The following RNF213 variants were observed in gnomAD, a reference collection of about 807,000 sequenced individuals.
RNF213 encodes the protein ring finger protein 213, also known as E3 ubiquitin-protein ligase RNF213.
Under a neutral mutation model 514.4 loss-of-function variants are expected in RNF213, and 341 were observed. That is an observed-to-expected ratio of 0.66 (90% confidence interval 0.61 to 0.73). RNF213 has a LOEUF of 0.73. Ranked by LOEUF, RNF213 falls within the 30% of genes least tolerant of loss-of-function variation. The pLI is 0.00. For synonymous variants in RNF213, 2,655 were observed against 2,658.2 expected (o/e 1.00, Z 0.04); for missense variants, 5,767 against 6,615.6 (o/e 0.87, Z 4.45).
chr17:80,369,513 AAAAG>A lies in RNF213; in HGVS notation c.12168_12171del (p.Glu4056AspfsTer14). The A allele has an allele frequency of 6.2e-7, 1 of 1,613,550 alleles. No individual in the cohort carries two copies. The highest frequency in any genetic ancestry group is 1.1e-5 in the South Asian group (1 of 91,056). On this transcript the variant is annotated frameshift_variant, in exon 45 of 68. Transcript: ENST00000582970. LOFTEE classifies it high-confidence loss of function. ...TCTCGTGTTCTAAGGGAAGCCATTG[AAAAG>A]CATGCCCGCTTCCGGCAGATGTGCA...
In RNF213 at chr17:80,364,494, G is replaced by A. The variant is rs781559624; in HGVS notation, c.11812G>A (p.Glu3938Lys). The change falls in exon 42 of 68, where the codon GAG (glutamate) becomes AAG (lysine). Residue 3938 changes from glutamate to lysine, a missense_variant. Physicochemically the swap from Glu to Lys is moderately conservative, Grantham distance 56 (BLOSUM62 1). This residue lies in a region of RNF213 where 355 missense variants were observed against 358.0 expected (regional missense o/e 0.99). Coordinates refer to ENST00000582970, the MANE Select transcript of RNF213 (RefSeq NM_001256071.3). ...LFVEHVLLGT[E>K]SRVPELQGLV... ...CGTGGAGCACGTGCTCCTAGGAACC[G>A]AGAGCCGCGTCCCCGAGTTACAGGG... is the stretch of plus-strand genomic sequence containing the variant. 24 of 1,614,022 alleles carry A rather than the reference G, an allele frequency of 1.5e-5. No individual in the cohort carries two copies. The East Asian group carries it at 3.3e-4, about 22-fold the overall frequency.
At chr17:80,289,962 T>A in intron 6 of RNF213, 125 bp downstream of exon 6, 2 of 1,104,412 alleles carry the variant, frequency 1.8e-6, no homozygotes. Flanking sequence ...CAAGTTTAAC[T>A]TTGGGGGAAA....
chr17:80,310,060 G>A (rs376321329), intron 14 of RNF213, among the ~76,000 whole-genome samples: 24 of 151,756 alleles, frequency 1.6e-4, no homozygotes, highest in African/African-American at 5.3e-4. Context: ...GCCTCCCATG[G>A]ATCAGTTTTA....
intron 11 of RNF213, 34 bp from the exon 12 acceptor site, chr17:80,306,218 G>T (rs374717242): frequency 6.3e-7 from 1 of 1,596,334 alleles, no homozygotes; most frequent in South Asian, 1.1e-5. Context: ...ATCTCACTGC[G>T]TCTCTTTTCT....
intron 1 of RNF213, among the ~76,000 whole-genome samples, chr17:80,261,402 G>T (rs751109081): frequency 1.3e-5 from 2 of 152,332 alleles, no homozygotes; most frequent in East Asian, 3.9e-4. Flanking sequence ...GCGTCCTTCC[G>T]ACTTGGCGAA....
chr17:80,268,922 C>T (rs1043827409), intron 2 of RNF213, among the ~76,000 whole-genome samples: 3 of 152,114 alleles, frequency 2.0e-5, no homozygotes, highest in Non-Finnish European at 4.4e-5. Flanking sequence ...AGTCCAAAAG[C>T]CTCAAAAGCA....
intron 35 of RNF213, 42 bp downstream of exon 35, chr17:80,354,208 G>A (rs2078644338): frequency 2.5e-6 from 4 of 1,606,802 alleles, no homozygotes; most frequent in Non-Finnish European, 3.4e-6. Context: ...CCCCACGTGG[G>A]CTCTTCCTGA....
In RNF213 at chr17:80,354,487, GAAGC is replaced by G; in HGVS notation, c.10777_10780del (p.Gln3593LysfsTer46). 1 of 1,614,204 alleles carries G rather than the reference GAAGC, an allele frequency of 6.2e-7. No homozygotes were observed. On this transcript the variant is annotated frameshift_variant, in exon 36 of 68. Transcript: ENST00000582970. LOFTEE classifies it high-confidence loss of function. Reference sequence around the variant, plus strand: ...AGATGCGCCTCAGTGTCTTTTTAAAGAAGCAAGAAGAGAGCCAGTTTCACCCTCT... The same window carrying G: ...AGATGCGCCTCAGTGTCTTTTTAAAGAAGAAGAGAGCCAGTTTCACCCTCT...
At chr17:80,270,172 T>C (rs984860801) in intron 2 of RNF213, among the ~76,000 whole-genome samples, 3 of 152,238 alleles carry the variant, frequency 2.0e-5, no homozygotes, top group Admixed American at 2.0e-4. Context: ...GCTACTTTCA[T>C]GTACAGTGGC....
chr17:80,286,193 T>G (rs918349818), intron 3 of RNF213, among the ~76,000 whole-genome samples: 1 of 151,234 alleles, frequency 6.6e-6, no homozygotes, highest in Non-Finnish European at 1.5e-5. Context: ...TGGCCTGGGG[T>G]TGGTGTCGGA....
At chr17:80,325,640 C>G (rs1462940459) in intron 18 of RNF213, among the ~76,000 whole-genome samples, 1 of 151,480 alleles carries the variant, frequency 6.6e-6, no homozygotes, top group African/African-American at 2.4e-5. Context: ...CATTGATGAC[C>G]TCAACAGAAA....
chr17:80,289,150 G>A (rs2044587173), intron 5 of RNF213, among the ~76,000 whole-genome samples: 1 of 152,222 alleles, frequency 6.6e-6, no homozygotes, highest in African/African-American at 2.4e-5. Flanking sequence ...CCCAGGAGGA[G>A]TTGGGGGAGG....
At chr17:80,389,557 G>A (rs756451055) in intron 65 of RNF213, among the ~76,000 whole-genome samples, 190 bp downstream of exon 65, 1 of 152,186 alleles carries the variant, frequency 6.6e-6, no homozygotes, top group Non-Finnish European at 1.5e-5. Context: ...ACAGACACGC[G>A]CTAGAAATGC....
At chr17:80,383,136 T>C (rs1016433174) in intron 58 of RNF213, 66 bp downstream of exon 58, 3 of 1,135,316 alleles carry the variant, frequency 2.6e-6, no homozygotes, top group South Asian at 2.5e-5. Context: ...CGGCGTCTGC[T>C]GAATGCTCCT....
chr17:80,308,322 A>T (rs1387792521), intron 13 of RNF213, among the ~76,000 whole-genome samples: 1 of 151,722 alleles, frequency 6.6e-6, no homozygotes, highest in African/African-American at 2.4e-5. Flanking sequence ...CAGCCCAGGG[A>T]GTCCTTTCTT....
intron 7 of RNF213, among the ~76,000 whole-genome samples, chr17:80,291,158 G>A (rs2044712867): frequency 6.6e-6 from 1 of 151,990 alleles, no homozygotes; most frequent in Non-Finnish European, 1.5e-5. Context: ...TTCGGGTTCT[G>A]GAAGATGAAT....
At chr17:80,324,216 A>T (rs532637873) in intron 17 of RNF213, among the ~76,000 whole-genome samples, 2 of 152,238 alleles carry the variant, frequency 1.3e-5, no homozygotes, top group Non-Finnish European at 2.9e-5. Flanking sequence ...TGTGATGTCA[A>T]CGTGAGCTTT....
intron 8 of RNF213, 49 bp from the exon 9 acceptor site, chr17:80,294,671 A>C: frequency 6.2e-7 from 1 of 1,607,214 alleles, no homozygotes; most frequent in South Asian, 1.1e-5. Flanking sequence ...CTAGGTCTCC[A>C]GGGTTTTGAT....
rs1226275582 is a variant in RNF213 at position 80,394,430 on chromosome 17, T to A, written c.*932T>A. ...CATAAAAACTAGGACTCAGAGCACA[T>A]ACAAAACCAGTTATGTTTCGGAAAG... On this transcript the variant is annotated 3_prime_UTR_variant, in exon 68 of 68. Coordinates refer to ENST00000582970, the MANE Select transcript of RNF213 (RefSeq NM_001256071.3). 6.6e-6 allele frequency: 1 copy of A among 152,330 alleles called. No homozygotes were observed. Among genetic ancestry groups the A allele is most frequent in the South Asian group, 2.1e-4 (1 of 4,828 alleles). The allele number at this position is 152,330 out of a possible 1,614,324, so 9.4% of individuals were successfully genotyped here. A position where few individuals can be genotyped will look rare whatever the true frequency, so the allele number is the denominator to read the frequency against.
Sources: gnomAD v4.1 joint callset for allele counts (sites outside exome capture counted in the v4.1 genomes callset) on GRCh38, gnomAD v4.1.1 for gene constraint, gnomAD v4.1.1 regional missense constraint, MANE v1.5 for transcripts, NCBI Gene and HGNC (gene_info 2026-07-23, HGNC 2026-07-21) for gene names.